FLNA: variants seen among roughly 807,000 people sequenced by gnomAD.
FLNA encodes filamin A.
A neutral mutation model predicts 157.6 loss-of-function variants in FLNA; 7 were observed. The observed-to-expected ratio is 0.04, with a 90% CI of 0.03 to 0.08. FLNA has a LOEUF of 0.08. Among genes scored for constraint, FLNA ranks in the 10% least tolerant of loss-of-function variants. The pLI is 1.00. For synonymous variants in FLNA, 1,103 were observed against 1,060.8 expected (o/e 1.04, Z -0.77); for missense variants, 1,750 against 2,398.4 (o/e 0.73, Z 5.65).
Position 154,361,946 on chromosome X carries a change from G to GGA in FLNA, c.2826+31_2826+32dup, listed in dbSNP as rs782602187. ...CTAGGCTGCTGCATGAGGAGGCTGG[G>GGA]GACTCGGTGACTGTAGTGGAGGGTG... On this transcript the variant is annotated intron_variant, in intron 19 of 47. Coordinates refer to ENST00000369850, the MANE Select transcript of FLNA (RefSeq NM_001110556.2). The GGA allele has an allele frequency of 5.8e-6, 7 of 1,200,110 alleles. No individual in the cohort carries two copies. The East Asian group carries it at 2.1e-4, about 36-fold the overall frequency.
intron 23 of FLNA, 39 bp downstream of exon 23, chrX:154,359,693 C>T: frequency 1.7e-6 from 2 of 1,210,708 alleles, no homozygotes; most frequent in South Asian, 1.8e-5. Flanking sequence ...CCACCCCACC[C>T]ACCCCGTCTG....
chrX:154,362,866 A>T, intron 15 of FLNA, 82 bp from the exon 16 acceptor site: 1 of 1,059,276 alleles, frequency 9.4e-7, no homozygotes, highest in Admixed American at 2.7e-5. Flanking sequence ...TGGCAGGCAC[A>T]CAAAATGGTC....
rs61730768 is a variant in FLNA at position 154,365,466 on chromosome X, G to A, written c.1450C>T (p.Arg484Trp). The A allele has an allele frequency of 9.7e-5, 118 of 1,210,312 alleles. No individual in the cohort carries two copies. In the African/African-American group the frequency reaches 1.6e-3, roughly 16 times the overall value. The change falls in exon 10 of 48, where the codon CGG becomes TGG. Residue 484 changes from arginine to tryptophan, a missense_variant. By Grantham distance (101) the Arg-to-Trp change is moderately radical. This residue lies in a region of FLNA where 648 missense variants were observed against 805.8 expected (regional missense o/e 0.80). Coordinates refer to ENST00000369850, the MANE Select transcript of FLNA (RefSeq NM_001110556.2). Reference protein sequence around the residue: ...VGQACNPSACRAVGRGLQPKG... With the variant: ...VGQACNPSACWAVGRGLQPKG... ...GGCTGGAGGCCCCGGCCAACCGCCC[G>A]GCAGGCACTCGGGTTACAGGCTGCA...
intron 2 of FLNA, among the ~76,000 whole-genome samples, chrX:154,369,409 G>C (rs1158779106): frequency 8.0e-5 from 9 of 112,025 alleles, no homozygotes; most frequent in African/African-American, 2.9e-4. Context: ...GTCCATGTTA[G>C]GCCAGCCTAC....
At chrX:154,351,141 C>T in intron 43 of FLNA, 100 bp from the exon 44 acceptor site, 3 of 971,553 alleles carry the variant, frequency 3.1e-6, no homozygotes, top group Non-Finnish European at 4.4e-6. Flanking sequence ...CGCACTTACC[C>T]ATCTGGCGTC....
chrX:154,366,773 C>T lies in FLNA; in HGVS notation c.946G>A (p.Val316Met), dbSNP rs1603362983. Reference sequence around the variant, plus strand: ...GCCGGGTCCTCCACGTACACCAGCACCTCTCCCTGGCCAGCACTTCTGGTC... The same window carrying T: ...GCCGGGTCCTCCACGTACACCAGCATCTCTCCCTGGCCAGCACTTCTGGTC... ...VETRSAGQGE[V>M]LVYVEDPAGH... The change falls in exon 6 of 48, where the codon GTG (valine) becomes ATG (methionine). Residue 316 changes from valine to methionine, a missense_variant. Val to Met is a conservative substitution (Grantham distance 21). This residue lies in a region of FLNA where 648 missense variants were observed against 805.8 expected (regional missense o/e 0.80). Coordinates refer to ENST00000369850, the MANE Select transcript of FLNA (RefSeq NM_001110556.2). The T allele has an allele frequency of 6.6e-6, 8 of 1,211,795 alleles. No homozygotes were observed. The highest frequency in any genetic ancestry group is 8.9e-6 in the Non-Finnish European group (8 of 895,304).
Position 154,371,286 on chromosome X carries a change from G to T in FLNA, c.-41C>A. The T allele has an allele frequency of 1.7e-6, 2 of 1,188,898 alleles. No individual in the cohort carries two copies. Among genetic ancestry groups the T allele is most frequent in the South Asian group, 1.8e-5 (1 of 54,676 alleles). ...GCCGGGGGGGCGGTGCTGCAGCCTC[G>T]GCGAGGGGACGGCCCTTTAATTAAA... On this transcript the variant is annotated 5_prime_UTR_variant, in exon 2 of 48. Coordinates refer to ENST00000369850, the MANE Select transcript of FLNA (RefSeq NM_001110556.2).
Position 154,348,838 on chromosome X carries a change from G to A in FLNA, c.*11C>T, listed in dbSNP as rs1393035586. 7.8e-5 allele frequency: 93 copies of A among 1,192,273 alleles called. No individual in the cohort carries two copies. Among genetic ancestry groups the A allele is most frequent in the Non-Finnish European group, 1.0e-4 (89 of 881,879 alleles). ...AGGCTTGGGGGCTGCCGGCTGGCAC[G>A]GGCCCCAGACTCAGGGCACCACAAC... On this transcript the variant is annotated 3_prime_UTR_variant, in exon 48 of 48. Transcript: ENST00000369850.
intron 1 of FLNA, among the ~76,000 whole-genome samples, chrX:154,373,434 T>C (rs2067822337): frequency 8.9e-6 from 1 of 112,475 alleles, no homozygotes; most frequent in East Asian, 2.8e-4. Context: ...AGAGGGTTCT[T>C]GTCCCTAGAA....
intron 30 of FLNA, 106 bp downstream of exon 30, chrX:154,357,145 G>A (rs1488951140): frequency 8.7e-6 from 7 of 808,771 alleles, no homozygotes; most frequent in Non-Finnish European, 1.3e-5. Flanking sequence ...CTCTGTCCCT[G>A]CCTAGAGCTG....
intron 1 of FLNA, among the ~76,000 whole-genome samples, chrX:154,371,898 A>G (rs1222992451): frequency 8.8e-6 from 1 of 113,161 alleles, no homozygotes; most frequent in Non-Finnish European, 1.9e-5. Context: ...ACCCCTGGAG[A>G]GCGGCAGCCC....
At position 154,367,435 on chromosome X, in the gene FLNA, G is replaced by A. The variant is rs1557179540; in HGVS notation, c.830C>T (p.Pro277Leu). 1 of 1,211,597 alleles carries A rather than the reference G, an allele frequency of 8.3e-7. No homozygotes were observed. Among genetic ancestry groups the A allele is most frequent in the Non-Finnish European group, 1.1e-6 (1 of 895,482 alleles). ...ACGGGCTTTCTTCGGGTTCAGTTTGGGCCGCAAGGGAGCCCCTGGCTTCAG... is the reference window on the plus strand; with the variant it reads ...ACGGGCTTTCTTCGGGTTCAGTTTGAGCCGCAAGGGAGCCCCTGGCTTCAG... ...AKLKPGAPLR[P>L]KLNPKKARAY... The change falls in exon 5 of 48, where the codon CCC becomes CTC. Residue 277 changes from proline to leucine, a missense_variant. This residue lies in a region of FLNA where 71 missense variants were observed against 239.5 expected (regional missense o/e 0.30). Transcript: ENST00000369850.
Position 154,365,163 on chromosome X carries a change from G to A in FLNA, c.1664C>T (p.Thr555Met), listed in dbSNP as rs782611953. 1.7e-6 allele frequency: 2 copies of A among 1,210,278 alleles called. No homozygotes were observed. The highest frequency in any genetic ancestry group is 3.0e-5 in the East Asian group (1 of 33,776). ...GCGCCCGATGTTCTGACCACCCCACGTGATGGTGACGATATAGGTTCCAGG... is the reference window on the plus strand; with the variant it reads ...GCGCCCGATGTTCTGACCACCCCACATGATGGTGACGATATAGGTTCCAGG... The part of the protein sequence containing the change: ...MVPGTYIVTI[T>M]WGGQNIGRSP... Residue 555 changes from threonine to methionine, a missense_variant, in exon 11 of 48, where the codon ACG becomes ATG. Around this residue, in one of 5 missense-constraint regions of FLNA, gnomAD observed 648 missense variants for 805.8 expected, o/e 0.80. Transcript: ENST00000369850.
chrX:154,361,076 A>AAAAGAAAGAAAG (rs1569551712), intron 21 of FLNA, among the ~76,000 whole-genome samples: 1 of 89,030 alleles, frequency 1.1e-5, no homozygotes, highest in Non-Finnish European at 2.2e-5. Context: ...AAAAAAAAAA[A>AAAAGAAAGAAAG]AAAGAAAGAA....
chrX:154,359,526 C>G lies in FLNA; in HGVS notation c.4100G>C (p.Ser1367Thr), dbSNP rs2067688272. The change falls in exon 24 of 48, where the codon AGT becomes ACT. Residue 1367 changes from serine (S) to threonine (T), a missense_variant. By Grantham distance (58) the Ser-to-Thr change is moderately conservative (BLOSUM62 1). Transcript: ENST00000369850. ...RVRVHGPGIQ[S>T]GTTNKPNKFT... Reference sequence around the variant, plus strand: ...CTTGTTGGGCTTGTTGGTGGTGCCACTTTGGATGCCTGGCCCGTGGACACG... The same window carrying G: ...CTTGTTGGGCTTGTTGGTGGTGCCAGTTTGGATGCCTGGCCCGTGGACACG... The G allele has an allele frequency of 8.3e-7, 1 of 1,210,010 alleles. No homozygotes were observed. The highest frequency in any genetic ancestry group is 1.1e-6 in the Non-Finnish European group (1 of 895,201).
chrX:154,365,335 C>G lies in FLNA; in HGVS notation c.1567+14G>C. ...TGCCGCCACCCATCCTGGCCTGGCTCCAGGCCAACTTACTGGGGCCCTTCA... is the reference window on the plus strand; with the variant it reads ...TGCCGCCACCCATCCTGGCCTGGCTGCAGGCCAACTTACTGGGGCCCTTCA... On this transcript the variant is annotated intron_variant, in intron 10 of 47. Coordinates refer to ENST00000369850, the MANE Select transcript of FLNA (RefSeq NM_001110556.2). The G allele has an allele frequency of 8.3e-7, 1 of 1,212,009 alleles. No individual in the cohort carries two copies.
rs782154368 is a variant in FLNA, at chrX:154,358,561, C to T, written c.4482G>A (p.Val1494=). ...QVKVQGPKGL[V]EPVDVVDNAD... Reference sequence around the variant, plus strand: ...CGTTGTCTACCACGTCCACTGGCTCCACCAGGCCTGGCCCCAGCCCCAGGG... The same window carrying T: ...CGTTGTCTACCACGTCCACTGGCTCTACCAGGCCTGGCCCCAGCCCCAGGG... Residue 1494 remains valine (V), a synonymous_variant, in exon 27 of 48, where the codon GTG becomes GTA. Transcript: ENST00000369850. The T allele has an allele frequency of 1.3e-5, 16 of 1,210,224 alleles. No individual in the cohort carries two copies. In the Admixed American group the frequency reaches 3.3e-4, roughly 25 times the overall value.
chrX:154,356,941 G>A (rs1378623480), intron 30 of FLNA, among the ~76,000 whole-genome samples: 2 of 111,972 alleles, frequency 1.8e-5, no homozygotes, highest in South Asian at 3.7e-4. Flanking sequence ...CCAAGATCCC[G>A]AGACCCCAAA....
In FLNA at chrX:154,355,068, A is replaced by G. The variant is rs1382783969; in HGVS notation, c.4974T>C (p.Ala1658=). ...CAATCTGAATGGTGGGGCCGATGCC[A>G]GCACCTGGTGGGGCAGGGTGGGTCC... ...TVSIGGHGLG[A]GIGPTIQIGE... Residue 1658 remains alanine (A), a synonymous_variant, in exon 31 of 48, where the codon GCT becomes GCC. Transcript: ENST00000369850. 1 of 1,203,702 alleles carries G rather than the reference A, an allele frequency of 8.3e-7. No homozygotes were observed. The highest frequency in any genetic ancestry group is 1.1e-6 in the Non-Finnish European group (1 of 889,984).
Sources: allele counts gnomAD v4.1 joint callset (sites outside exome capture counted in the v4.1 genomes callset), GRCh38; gene constraint gnomAD v4.1.1; regional missense constraint gnomAD v4.1.1; transcripts MANE v1.5; gene names NCBI Gene and HGNC (gene_info 2026-07-23, HGNC 2026-07-21).